The following ADAMTS18 variants were observed in gnomAD, a reference collection of about 807,000 sequenced individuals.
ADAMTS18 encodes the protein A disintegrin and metalloproteinase with thrombospondin motifs 18.
In ADAMTS18, 157 loss-of-function variants were observed where a neutral mutation model predicts 165.9. The observed-to-expected ratio is 0.95, with a 90% CI of 0.83 to 1.08. ADAMTS18 has a LOEUF of 1.08. ADAMTS18 is among the 50% of genes least tolerant of loss of function. The pLI is 0.00. For missense variants in ADAMTS18, 2,040 were observed against 1,534.0 expected, an observed-to-expected ratio of 1.33 and a Z score of -5.51; for synonymous variants, 782 against 578.2, an observed-to-expected ratio of 1.35 and a Z score of -5.06.
rs371312569 is a variant in ADAMTS18 at position 77,352,267 on chromosome 16, A to G, written c.1614+1466T>C. Among the ~76,000 whole-genome samples, 6 of 146,676 alleles carry G rather than the reference A, an allele frequency of 4.1e-5. No individual in the cohort carries two copies. In the East Asian group the frequency reaches 1.0e-3, roughly 25 times the overall value. Reference sequence around the variant, plus strand: ...TGAATTGGTTTCTAGAAAAGCAATAAATGAATAATAATATAGAGATAACAC... The same window carrying G: ...TGAATTGGTTTCTAGAAAAGCAATAGATGAATAATAATATAGAGATAACAC... On this transcript the variant is annotated intron_variant, in intron 10 of 22. Coordinates refer to ENST00000282849, the MANE Select transcript of ADAMTS18 (RefSeq NM_199355.4).
chr16:77,364,375 G>T lies in ADAMTS18; in HGVS notation c.785C>A (p.Pro262His). ...HFCGRRKKYA[P>H]KPPTEDTYLR... is the part of the protein sequence containing the mutation. The stretch of plus-strand genomic sequence containing the variant: ...ATAGGTGTCCTCTGTGGGAGGCTTG[G>T]GAGCATCTACGATGAACAGAAGAGC... Residue 262 changes from proline to histidine, a missense_variant, in exon 5 of 23, where the codon CCC (proline) becomes CAC (histidine). Physicochemically the swap from Pro to His is moderately conservative, Grantham distance 77 (BLOSUM62 -2). Coordinates refer to ENST00000282849, the MANE Select transcript of ADAMTS18 (RefSeq NM_199355.4). 1 of 1,613,558 alleles carries T rather than the reference G, an allele frequency of 6.2e-7. No homozygotes were observed. The highest frequency in any genetic ancestry group is 8.5e-7 in the Non-Finnish European group (1 of 1,179,932).
Position 77,383,479 on chromosome 16 carries a change from G to C in ADAMTS18, c.496-15756C>G, listed in dbSNP as rs79061032. Among the ~76,000 whole-genome samples, 778 of 151,872 alleles carry C rather than the reference G, an allele frequency of 5.1e-3. 11 individuals are homozygous for C. Among genetic ancestry groups the C allele is most frequent in the African/African-American group, 0.018 (748 of 41,394 alleles). On this transcript the variant is annotated intron_variant, in intron 3 of 22. Transcript: ENST00000282849. ...AGATTTTTTTCATTTGCTGTTTCCT[G>C]TGCCTAGAATGCTCTTCCCCTAGAT...
intron 11 of ADAMTS18, among the ~76,000 whole-genome samples, chr16:77,339,622 C>A (rs1232631688): frequency 2.7e-5 from 4 of 150,492 alleles, no homozygotes; most frequent in Admixed American, 1.3e-4. Context: ...AAACACTAAT[C>A]CTCAAGTCAC....
In ADAMTS18 at chr16:77,367,478, C is replaced by A. The variant is rs138436194; in HGVS notation, c.741G>T (p.Arg247Ser). 3.2e-5 allele frequency: 52 copies of A among 1,614,206 alleles called. No homozygotes were observed. Among genetic ancestry groups the A allele is most frequent in the African/African-American group, 8.0e-5 (6 of 75,068 alleles). ...GTCCACAAAAATGCTGCTTTTGCAACCTTCGATGGTGATACTCTGTCTCTC... is the reference window on the plus strand; with the variant it reads ...GTCCACAAAAATGCTGCTTTTGCAAACTTCGATGGTGATACTCTGTCTCTC... ...QSRETEYHHR[R>S]LQKQHFCGRR... is the part of the protein sequence containing the mutation. Residue 247 changes from arginine to serine, a missense_variant, in exon 4 of 23, where the codon AGG (arginine) becomes AGT (serine). Transcript: ENST00000282849.
intron 16 of ADAMTS18, among the ~76,000 whole-genome samples, chr16:77,303,799 C>T (rs1416225044): frequency 6.6e-6 from 1 of 152,118 alleles, no homozygotes; most frequent in Non-Finnish European, 1.5e-5. Context: ...TTTGGGAGGC[C>T]GAGGTGGGTG....
intron 3 of ADAMTS18, among the ~76,000 whole-genome samples, chr16:77,373,176 C>G (rs928800418): frequency 3.9e-5 from 6 of 152,092 alleles, no homozygotes; most frequent in Non-Finnish European, 5.9e-5. Context: ...TCAGAGAAGC[C>G]GTACTCACGA....
chr16:77,344,225 A>T (rs2056442776), intron 10 of ADAMTS18, among the ~76,000 whole-genome samples: 1 of 151,250 alleles, frequency 6.6e-6, no homozygotes, highest in African/African-American at 2.4e-5. Context: ...CTTCCCCTAA[A>T]AGGAGAATGG....
chr16:77,387,444 C>G (rs2057124828), intron 3 of ADAMTS18, among the ~76,000 whole-genome samples: 1 of 152,184 alleles, frequency 6.6e-6, no homozygotes, highest in Non-Finnish European at 1.5e-5. Context: ...AAGCAGATAA[C>G]CAGCTTCTTG....
At chr16:77,390,405 G>A (rs1449596136) in intron 3 of ADAMTS18, among the ~76,000 whole-genome samples, 1 of 151,982 alleles carries the variant, frequency 6.6e-6, no homozygotes, top group Admixed American at 6.6e-5. Context: ...GAATCACCCC[G>A]CCCTTGCCAG....
chr16:77,405,568 G>T (rs2057383500), intron 3 of ADAMTS18, among the ~76,000 whole-genome samples: 1 of 152,196 alleles, frequency 6.6e-6, no homozygotes, highest in African/African-American at 2.4e-5. Flanking sequence ...TGCTTTAATA[G>T]ATGGGAGATC....
Position 77,378,355 on chromosome 16 carries a change from A to C in ADAMTS18, c.496-10632T>G, listed in dbSNP as rs1007343293. 1.6e-4 allele frequency among the ~76,000 whole-genome samples: 24 copies of C among 151,302 alleles called. No homozygotes were observed. The South Asian group carries it at 1.7e-3, about 11-fold the overall frequency. On this transcript the variant is annotated intron_variant, in intron 3 of 22. Coordinates refer to ENST00000282849, the MANE Select transcript of ADAMTS18 (RefSeq NM_199355.4). ...AAAACAAAAACAAAAAAAAACAAAA[A>C]AAAAAAAAACCAAGCCCTTTACTTA...
intron 3 of ADAMTS18, among the ~76,000 whole-genome samples, chr16:77,412,265 C>T (rs774419821): frequency 3.3e-5 from 5 of 152,180 alleles, no homozygotes; most frequent in Admixed American, 1.3e-4. Context: ...TCTCCATCTT[C>T]TCAACGAGTC....
intron 3 of ADAMTS18, among the ~76,000 whole-genome samples, chr16:77,419,036 C>G (rs905413562): frequency 1.3e-5 from 2 of 152,278 alleles, no homozygotes; most frequent in South Asian, 2.1e-4. Flanking sequence ...GTAATCCCAG[C>G]TACTCAGAAG....
intron 16 of ADAMTS18, among the ~76,000 whole-genome samples, chr16:77,314,739 A>C (rs2055851062): frequency 1.8e-5 from 1 of 54,860 alleles, no homozygotes; most frequent in Non-Finnish European, 3.9e-5. Context: ...TTTGCTAAAT[A>C]TGGTCTCAGG....
intron 10 of ADAMTS18, among the ~76,000 whole-genome samples, chr16:77,350,390 G>A (rs564593944): frequency 3.3e-4 from 50 of 152,226 alleles, no homozygotes; most frequent in Admixed American, 5.9e-4. Flanking sequence ...TGTGATGGTG[G>A]TGATGATGCT....
At chr16:77,379,655 A>G (rs1193752384) in intron 3 of ADAMTS18, among the ~76,000 whole-genome samples, 1 of 152,058 alleles carries the variant, frequency 6.6e-6, no homozygotes, top group Admixed American at 6.6e-5. Context: ...CACCTGGCTA[A>G]TATTTTGTAT....
chr16:77,334,109 G>A (rs2056241049), intron 12 of ADAMTS18, among the ~76,000 whole-genome samples: 1 of 106,692 alleles, frequency 9.4e-6, no homozygotes, highest in Non-Finnish European at 1.7e-5. Context: ...ATAATATATA[G>A]TGTTATATAT....
At chr16:77,408,956 G>A (rs1308601189) in intron 3 of ADAMTS18, among the ~76,000 whole-genome samples, 1 of 151,966 alleles carries the variant, frequency 6.6e-6, no homozygotes, top group Non-Finnish European at 1.5e-5. Context: ...TTTTAATACA[G>A]TATATGTTAC....
intron 22 of ADAMTS18, 124 bp from the exon 23 acceptor site, chr16:77,284,195 C>T (rs779949939): frequency 1.4e-4 from 89 of 646,740 alleles, no homozygotes; most frequent in Middle Eastern, 7.7e-4. Flanking sequence ...GTGTGATCTC[C>T]GCTCACTGCA....
Sources: gnomAD v4.1 joint callset for allele counts (sites outside exome capture counted in the v4.1 genomes callset) on GRCh38, gnomAD v4.1.1 for gene constraint, MANE v1.5 for transcripts, NCBI Gene and HGNC (gene_info 2026-07-23, HGNC 2026-07-21) for gene names.